The following NKAIN3 variants were observed in gnomAD, a reference collection of about 807,000 sequenced individuals.
NKAIN3 encodes the protein sodium/potassium-transporting ATPase subunit beta-1-interacting protein 3.
NKAIN3 carries 25 observed loss-of-function variants against 30.2 expected under a neutral mutation model. That is an observed-to-expected ratio of 0.83 (90% CI 0.60 to 1.16). The LOEUF is 1.16. NKAIN3 is among the 50% of genes most tolerant of loss of function. NKAIN3 has a pLI of 0.00. For missense variants in NKAIN3, 225 were observed against 254.1 expected (o/e 0.89, Z 0.78); for synonymous variants, 91 against 89.6 (o/e 1.02, Z -0.09).
intron 2 of NKAIN3, among the ~76,000 whole-genome samples, chr8:62,585,153 T>TATG (rs1229663080): frequency 2.0e-5 from 3 of 152,206 alleles, no homozygotes; most frequent in Non-Finnish European, 4.4e-5. Flanking sequence ...GATAAAATAG[T>TATG]ATGTGCTGTG....
intron 1 of NKAIN3, among the ~76,000 whole-genome samples, chr8:62,434,751 G>GA (rs34393940): frequency 2.6e-5 from 4 of 151,900 alleles, no homozygotes; most frequent in South Asian, 2.1e-4. Flanking sequence ...TTTGTGATTT[G>GA]AAAAAAATGG....
chr8:62,648,639 C>A (rs1323016241), intron 3 of NKAIN3, among the ~76,000 whole-genome samples: 1 of 152,196 alleles, frequency 6.6e-6, no homozygotes, highest in African/African-American at 2.4e-5. Flanking sequence ...CCTTACCTTA[C>A]AGAAGGAATC....
intron 1 of NKAIN3, among the ~76,000 whole-genome samples, chr8:62,293,409 G>T (rs905277518): frequency 6.6e-6 from 1 of 152,088 alleles, no homozygotes; most frequent in Non-Finnish European, 1.5e-5. Context: ...ATACAGATGG[G>T]GTTTTGGAGT....
At chr8:62,480,029 G>A (rs1806662994) in intron 1 of NKAIN3, among the ~76,000 whole-genome samples, 1 of 152,062 alleles carries the variant, frequency 6.6e-6, no homozygotes, top group South Asian at 2.1e-4. Context: ...TTTTTATATA[G>A]CATCTCTTTT....
chr8:62,465,317 C>T (rs1806129626), intron 1 of NKAIN3, among the ~76,000 whole-genome samples: 1 of 152,008 alleles, frequency 6.6e-6, no homozygotes, highest in South Asian at 2.1e-4. Flanking sequence ...ATCCTGGCTA[C>T]ATAAATGCAA....
chr8:62,518,869 C>G (rs1389317102), intron 1 of NKAIN3, among the ~76,000 whole-genome samples: 1 of 152,088 alleles, frequency 6.6e-6, no homozygotes, highest in Admixed American at 6.5e-5. Flanking sequence ...TAACTAGCTT[C>G]AGGATTTAGA....
chr8:62,524,114 G>C (rs990825277), intron 1 of NKAIN3, among the ~76,000 whole-genome samples: 1 of 151,666 alleles, frequency 6.6e-6, no homozygotes, highest in Admixed American at 6.6e-5. Flanking sequence ...TATGTTAATG[G>C]CATTGATAAA....
intron 1 of NKAIN3, among the ~76,000 whole-genome samples, chr8:62,531,103 G>A (rs887418924): frequency 8.6e-5 from 13 of 152,032 alleles, no homozygotes; most frequent in African/African-American, 3.1e-4. Flanking sequence ...GTAGTTCAGA[G>A]AGCCACAGTC....
intron 1 of NKAIN3, among the ~76,000 whole-genome samples, chr8:62,535,419 G>T (rs1232992408): frequency 6.6e-6 from 1 of 151,998 alleles, no homozygotes; most frequent in Non-Finnish European, 1.5e-5. Context: ...AGATCTCACA[G>T]GTTGAGGGCT....
intron 1 of NKAIN3, among the ~76,000 whole-genome samples, chr8:62,300,529 T>C (rs1047447275): frequency 2.6e-5 from 4 of 152,130 alleles, no homozygotes; most frequent in African/African-American, 7.2e-5. Flanking sequence ...TTAAAATATA[T>C]TTTTCTAGCA....
chr8:62,759,794 G>T (rs77828348), intron 4 of NKAIN3, among the ~76,000 whole-genome samples: 1 of 152,090 alleles, frequency 6.6e-6, no homozygotes, highest in African/African-American at 2.4e-5. Flanking sequence ...AAGAGGTTCT[G>T]CACAGCAAAA....
intron 1 of NKAIN3, among the ~76,000 whole-genome samples, chr8:62,476,161 A>G (rs1040649451): frequency 6.6e-6 from 1 of 152,196 alleles, no homozygotes; most frequent in Non-Finnish European, 1.5e-5. Context: ...GCTCAATTCT[A>G]AGACAAAGTA....
intron 1 of NKAIN3, among the ~76,000 whole-genome samples, chr8:62,458,983 A>T (rs1366869755): frequency 6.6e-6 from 1 of 151,770 alleles, no homozygotes; most frequent in East Asian, 1.9e-4. Context: ...AAACATCATG[A>T]CTGATAGGAT....
rs139855541 is a variant in NKAIN3 at position 62,538,726 on chromosome 8, C to T, written c.55-40813C>T. On this transcript the variant is annotated intron_variant, in intron 1 of 6. Transcript: ENST00000623646. ...CTCAGGCGAATTTGCTGTTGGTCTC[C>T]GTGTTCTTGTTTTGTCAGTATGTTC... Among the ~76,000 whole-genome samples the T allele has an allele frequency of 3.7e-3, 560 of 152,178 alleles. 3 individuals are homozygous for T. Among genetic ancestry groups the T allele is most frequent in the African/African-American group, 0.013 (533 of 41,512 alleles).
intron 1 of NKAIN3, among the ~76,000 whole-genome samples, chr8:62,429,667 G>T (rs1316767630): frequency 6.6e-6 from 1 of 151,688 alleles, no homozygotes; most frequent in African/African-American, 2.4e-5. Flanking sequence ...ATTATTCGAG[G>T]ATCTACTTTC....
chr8:62,438,431 C>G (rs954377132), intron 1 of NKAIN3, among the ~76,000 whole-genome samples: 4 of 152,212 alleles, frequency 2.6e-5, no homozygotes, highest in African/African-American at 9.6e-5. Context: ...CTCACCCTCT[C>G]TGTGGCTCCT....
chr8:62,986,311 C>T (rs188371639), downstream of NKAIN3, among the ~76,000 whole-genome samples: 51 of 152,222 alleles, frequency 3.4e-4, no homozygotes, highest in African/African-American at 7.5e-4. Flanking sequence ...TTGGGTTAAA[C>T]GAATGTTGCC....
chr8:62,255,064 G>A (rs78311939), intron 1 of NKAIN3, among the ~76,000 whole-genome samples: 2,203 of 152,180 alleles, frequency 0.014, 49 homozygotes, highest in African/African-American at 0.048. Context: ...ACCTCAGAAT[G>A]TGATTTTATT....
At chr8:62,290,670 A>G (rs76473655) in intron 1 of NKAIN3, among the ~76,000 whole-genome samples, 1 of 152,144 alleles carries the variant, frequency 6.6e-6, no homozygotes, top group Non-Finnish European at 1.5e-5. Context: ...TTTTGCATCA[A>G]TGTTCATCAG....
Sources: allele counts gnomAD v4.1 joint callset (sites outside exome capture counted in the v4.1 genomes callset), GRCh38; gene constraint gnomAD v4.1.1; transcripts MANE v1.5; gene names NCBI Gene and HGNC (gene_info 2026-07-23, HGNC 2026-07-21).